Variants in CLIC4 observed in about 807,000 individuals in gnomAD.
CLIC4 encodes chloride intracellular channel protein 4.
CLIC4 carries 13 observed loss-of-function variants against 24.6 expected under a neutral mutation model. The observed-to-expected ratio is 0.53, with a 90% confidence interval of 0.34 to 0.84. The LOEUF is 0.84. Among genes scored for constraint, CLIC4 ranks in the 40% least tolerant of loss-of-function variants. CLIC4 has a pLI of 0.01. For missense variants in CLIC4, 227 were observed against 301.7 expected (o/e 0.75, Z 1.83); for synonymous variants, 104 against 111.3 (o/e 0.93, Z 0.41).
In CLIC4 at chr1:24,792,199, A is replaced by T. The variant is rs1349978234; in HGVS notation, c.73-5543A>T. Among the ~76,000 whole-genome samples the T allele has an allele frequency of 2.6e-5, 4 of 151,380 alleles. No individual in the cohort carries two copies. In the East Asian group the frequency reaches 7.7e-4, roughly 29 times the overall value. On this transcript the variant is annotated intron_variant, in intron 1 of 5. Coordinates refer to ENST00000374379, the MANE Select transcript of CLIC4 (RefSeq NM_013943.3). ...GTGTGTGTATATATATAATATATAT[A>T]TTTTAAATAGTGACAGAGTCTTGCT...
intron 3 of CLIC4, among the ~76,000 whole-genome samples, chr1:24,819,688 C>G (rs1163834896): frequency 6.6e-6 from 1 of 151,880 alleles, no homozygotes; most frequent in Non-Finnish European, 1.5e-5. Flanking sequence ...ATCCACCCGC[C>G]TCGGCCTCCC....
Position 24,799,296 on chromosome 1 carries a change from C to T in CLIC4, c.182+1445C>T, listed in dbSNP as rs889630407. On this transcript the variant is annotated intron_variant, in intron 2 of 5. Coordinates refer to ENST00000374379, the MANE Select transcript of CLIC4 (RefSeq NM_013943.3). ...TGAGATGTGGGGAGCGCCTCTGCCC[C>T]GCCTCCCCATCTGGGATGTGAGGAG... is the stretch of plus-strand genomic sequence containing the variant. Among the ~76,000 whole-genome samples, 4 of 151,124 alleles carry T rather than the reference C, an allele frequency of 2.6e-5. 1 individual carries two copies. The highest frequency in any genetic ancestry group is 7.3e-5 in the African/African-American group (3 of 41,016).
At chr1:24,824,828 G>A (rs911862273) in intron 3 of CLIC4, among the ~76,000 whole-genome samples, 1 of 151,478 alleles carries the variant, frequency 6.6e-6, no homozygotes, top group African/African-American at 2.4e-5. Flanking sequence ...GGGAAACCTC[G>A]TCTCTACAAA....
chr1:24,768,903 CAAA>C (rs71032856), intron 1 of CLIC4, among the ~76,000 whole-genome samples: 27 of 107,250 alleles, frequency 2.5e-4, no homozygotes, highest in Non-Finnish European at 2.3e-4. Flanking sequence ...TCTGCCTCAC[CAAA>C]AAAAAAAAAA....
chr1:24,806,521 T>C (rs1329164246), intron 2 of CLIC4, among the ~76,000 whole-genome samples: 2 of 152,202 alleles, frequency 1.3e-5, no homozygotes, highest in Non-Finnish European at 2.9e-5. Flanking sequence ...TAAAAAAATA[T>C]ATATATAGCC....
chr1:24,765,580 A>T (rs1033532145), intron 1 of CLIC4, among the ~76,000 whole-genome samples: 5 of 152,320 alleles, frequency 3.3e-5, no homozygotes, highest in African/African-American at 1.2e-4. Flanking sequence ...TTTGACCCTG[A>T]GCATGTGGCT....
chr1:24,826,651 C>T (rs1639789338), intron 3 of CLIC4, among the ~76,000 whole-genome samples: 1 of 152,178 alleles, frequency 6.6e-6, no homozygotes. Context: ...TTTCCATCAT[C>T]ACAGAAAGTT....
At chr1:24,825,881 C>T (rs1257073787) in intron 3 of CLIC4, among the ~76,000 whole-genome samples, 3 of 152,164 alleles carry the variant, frequency 2.0e-5, no homozygotes, top group African/African-American at 7.2e-5. Flanking sequence ...ATAATTAGTA[C>T]ACTGTAAGGT....
chr1:24,776,650 G>A (rs1040775044), intron 1 of CLIC4, among the ~76,000 whole-genome samples: 2 of 152,178 alleles, frequency 1.3e-5, no homozygotes, highest in South Asian at 4.1e-4. Context: ...TTTTGAAAAT[G>A]CTGAGTTTGG....
chr1:24,831,401 T>C (rs1639839274), intron 4 of CLIC4, among the ~76,000 whole-genome samples: 1 of 152,186 alleles, frequency 6.6e-6, no homozygotes, highest in Admixed American at 6.5e-5. Flanking sequence ...AAATTTAGGA[T>C]ATTTGATTTT....
chr1:24,810,620 A>G (rs958819311), intron 2 of CLIC4, among the ~76,000 whole-genome samples: 3 of 152,150 alleles, frequency 2.0e-5, no homozygotes, highest in Non-Finnish European at 2.9e-5. Flanking sequence ...AAATTTTTTA[A>G]AAATTAGCTG....
chr1:24,827,413 A>G (rs1260544038), intron 4 of CLIC4, among the ~76,000 whole-genome samples: 2 of 152,208 alleles, frequency 1.3e-5, no homozygotes, highest in South Asian at 2.1e-4. Context: ...GAGCTAGGCA[A>G]AGAATTAATG....
At chr1:24,802,303 G>C (rs1639499928) in intron 2 of CLIC4, among the ~76,000 whole-genome samples, 1 of 152,090 alleles carries the variant, frequency 6.6e-6, no homozygotes, top group African/African-American at 2.4e-5. Context: ...CCTATAGGTT[G>C]ATTGATATTT....
At position 24,745,499 on chromosome 1, in the gene CLIC4, A is replaced by C. The variant is rs1638674922; in HGVS notation, c.-55A>C. The C allele has an allele frequency of 2.0e-6, 3 of 1,492,262 alleles. No individual in the cohort carries two copies. The South Asian group carries it at 3.7e-5, about 18-fold the overall frequency. The allele number at this position is 1,492,262 out of a possible 1,614,324, so 92.4% of individuals were successfully genotyped here. ...GGCAGCCGGAGCAGTCCCGGAGCAG[A>C]AGCAGCAGCAGCAGCAGCAGCCCTC... On this transcript the variant is annotated 5_prime_UTR_variant, in exon 1 of 6. Transcript: ENST00000374379.
chr1:24,830,271 A>G (rs1317660350), intron 4 of CLIC4, among the ~76,000 whole-genome samples: 1 of 152,168 alleles, frequency 6.6e-6, no homozygotes, highest in African/African-American at 2.4e-5. Context: ...TAATTTTGCA[A>G]ACATTTCTGT....
chr1:24,747,095 A>ATTTTT (rs749648001), intron 1 of CLIC4, among the ~76,000 whole-genome samples: 2 of 120,284 alleles, frequency 1.7e-5, no homozygotes, highest in African/African-American at 3.1e-5. Flanking sequence ...TCAATTTTCG[A>ATTTTT]TTTTTTTTTT....
chr1:24,786,925 A>G (rs1293236852), intron 1 of CLIC4, among the ~76,000 whole-genome samples: 3 of 146,786 alleles, frequency 2.0e-5, no homozygotes, highest in African/African-American at 7.6e-5. Flanking sequence ...GCCAATTTTT[A>G]TTTTTATTTT....
intron 1 of CLIC4, among the ~76,000 whole-genome samples, chr1:24,755,829 C>CT (rs997901480): frequency 1.3e-5 from 2 of 150,468 alleles, no homozygotes; most frequent in African/African-American, 2.4e-5. Flanking sequence ...TAAATTTTAA[C>CT]TTTTTTTTTG....
At chr1:24,750,436 C>CTTTCT (rs1553188418) in intron 1 of CLIC4, among the ~76,000 whole-genome samples, 9 of 137,510 alleles carry the variant, frequency 6.5e-5, no homozygotes, top group African/African-American at 2.4e-4. Flanking sequence ...TTCTTTCTTT[C>CTTTCT]TTTTTTTTTT....
Sources: allele counts gnomAD v4.1 joint callset (sites outside exome capture counted in the v4.1 genomes callset), GRCh38; gene constraint gnomAD v4.1.1; transcripts MANE v1.5; gene names NCBI Gene and HGNC (gene_info 2026-07-23, HGNC 2026-07-21).